Variants in MAN2A1 observed in about 807,000 individuals in gnomAD.
The protein encoded by MAN2A1 is alpha-mannosidase 2.
MAN2A1 carries 76 observed loss-of-function variants against 142.6 expected under a neutral mutation model. The ratio of observed to expected loss-of-function variants is 0.53; its 90% CI spans 0.44 to 0.65. MAN2A1 has a LOEUF of 0.65. MAN2A1 is among the 30% of genes least tolerant of loss of function. The probability of loss-of-function intolerance (pLI) is 0.00; values close to 1 mark genes in which losing one functional copy is unlikely to be tolerated. For synonymous variants in MAN2A1, 559 were observed against 473.2 expected, an observed-to-expected ratio of 1.18 and a Z score of -2.35; for missense variants, 1,311 against 1,365.1, an observed-to-expected ratio of 0.96 and a Z score of 0.62.
chr5:109,793,835 T>G (rs1753795261), intron 12 of MAN2A1, among the ~76,000 whole-genome samples: 1 of 152,186 alleles, frequency 6.6e-6, no homozygotes, highest in Admixed American at 6.5e-5. Context: ...TTTATCAGAT[T>G]GGTTTTTATA....
intron 4 of MAN2A1, among the ~76,000 whole-genome samples, chr5:109,733,087 T>C (rs1582836176): frequency 6.6e-6 from 1 of 152,268 alleles, no homozygotes; most frequent in African/African-American, 2.4e-5. Flanking sequence ...ACATCCCTTG[T>C]AAGTTGGATT....
At chr5:109,822,682 A>G (rs938331349) in intron 15 of MAN2A1, among the ~76,000 whole-genome samples, 1 of 148,154 alleles carries the variant, frequency 6.7e-6, no homozygotes, top group Non-Finnish European at 1.5e-5. Flanking sequence ...TGAAAAAAAA[A>G]TTTTTTTTTT....
intron 5 of MAN2A1, among the ~76,000 whole-genome samples, chr5:109,763,615 C>T (rs149072647): frequency 6.6e-6 from 1 of 151,758 alleles, no homozygotes; most frequent in East Asian, 1.9e-4. Flanking sequence ...GTGTGCTGCA[C>T]CCATGTAGGG....
intron 5 of MAN2A1, among the ~76,000 whole-genome samples, chr5:109,762,432 C>A (rs752028374): frequency 2.0e-5 from 3 of 152,110 alleles, no homozygotes; most frequent in African/African-American, 7.2e-5. Flanking sequence ...TGCACACATA[C>A]ATACATTTTG....
chr5:109,713,466 T>G lies in MAN2A1; in HGVS notation c.136-54T>G, dbSNP rs1582814557. On this transcript the variant is annotated intron_variant, in intron 1 of 21. Transcript: ENST00000261483. ...ATTTAAAAAAAAAAATGTGTATGCC[T>G]CAGCAGATCTATATTAGTATTTCAT... 4.8e-6 allele frequency: 7 copies of G among 1,467,658 alleles called. No homozygotes were observed. In the East Asian group the frequency reaches 1.6e-4, roughly 34 times the overall value. The allele number at this position is 1,467,658 out of a possible 1,614,324, so 90.9% of individuals were successfully genotyped here.
At chr5:109,858,464 A>G (rs1004136740) in intron 20 of MAN2A1, among the ~76,000 whole-genome samples, 4 of 152,332 alleles carry the variant, frequency 2.6e-5, no homozygotes, top group East Asian at 3.9e-4. Flanking sequence ...AAATGACTCA[A>G]TGAATAAGTA....
chr5:109,845,886 A>G lies in MAN2A1; in HGVS notation c.2722A>G (p.Ser908Gly), dbSNP rs777715558. 3 of 1,613,488 alleles carry G rather than the reference A, an allele frequency of 1.9e-6. No individual in the cohort carries two copies. The East Asian group carries it at 6.7e-5, about 36-fold the overall frequency. The change falls in exon 18 of 22, where the codon AGC (serine) becomes GGC (glycine). Residue 908 changes from serine (S) to glycine (G), a missense_variant. By Grantham distance (56) the Ser-to-Gly change is moderately conservative. Coordinates refer to ENST00000261483, the MANE Select transcript of MAN2A1 (RefSeq NM_002372.4). Reference protein sequence around the residue: ...GYQIQPRMTLSKLPLQANVYP... With the variant: ...GYQIQPRMTLGKLPLQANVYP... The stretch of plus-strand genomic sequence containing the variant: ...ATAGATTCAACCTAGAATGACACTG[A>G]GCAAATTGCCTCTTCAAGCAAATGT...
chr5:109,756,813 CACTGTTTTTAATCTGTTTGT>C (rs1752702040), intron 5 of MAN2A1, among the ~76,000 whole-genome samples: 1 of 152,160 alleles, frequency 6.6e-6, no homozygotes, highest in South Asian at 2.1e-4. Flanking sequence ...AAGAGTGGCT[CACTGTTTTTAATCTGTTTGT>C]ACAAACAAAA....
intron 8 of MAN2A1, among the ~76,000 whole-genome samples, chr5:109,776,729 G>C (rs1753303106): frequency 6.6e-6 from 1 of 152,046 alleles, no homozygotes. Flanking sequence ...AACTTTTATT[G>C]TCCCTCAGAT....
intron 12 of MAN2A1, among the ~76,000 whole-genome samples, chr5:109,796,783 G>A (rs533500711): frequency 1.3e-5 from 2 of 152,142 alleles, no homozygotes; most frequent in African/African-American, 2.4e-5. Flanking sequence ...GGAAACTTGC[G>A]ATCAGGCTGG....
intron 6 of MAN2A1, 53 bp downstream of exon 6, chr5:109,767,761 A>C: frequency 6.7e-7 from 1 of 1,483,690 alleles, no homozygotes; most frequent in Admixed American, 1.7e-5. Flanking sequence ...ACTATTTCAC[A>C]AGGGTTATGA....
At chr5:109,804,648 T>G (rs1754117557) in intron 12 of MAN2A1, among the ~76,000 whole-genome samples, 1 of 152,170 alleles carries the variant, frequency 6.6e-6, no homozygotes, top group Non-Finnish European at 1.5e-5. Flanking sequence ...ACTTTGAAAG[T>G]AGAAAGTGGT....
chr5:109,819,880 T>C lies in MAN2A1; in HGVS notation c.2321T>C (p.Leu774Pro). 1 of 1,581,402 alleles carries C rather than the reference T, an allele frequency of 6.3e-7. No homozygotes were observed. The highest frequency in any genetic ancestry group is 8.6e-7 in the Non-Finnish European group (1 of 1,162,726). The change falls in exon 14 of 22, where the codon CTT becomes CCT. Residue 774 changes from leucine to proline, a missense_variant. Coordinates refer to ENST00000261483, the MANE Select transcript of MAN2A1 (RefSeq NM_002372.4). ...FVLLRFDQTG[L>P]MKQMMTKEDG... ...TTACTTCGGTTTGATCAAACTGGAC[T>C]TATGAAGGTATGTTCTGAATAGTTC...
intron 3 of MAN2A1, among the ~76,000 whole-genome samples, chr5:109,722,360 C>T (rs1169386037): frequency 3.3e-5 from 5 of 152,112 alleles, no homozygotes; most frequent in Non-Finnish European, 4.4e-5. Flanking sequence ...TCCTGATTGC[C>T]ACATTTTCTA....
At position 109,784,799 on chromosome 5, in the gene MAN2A1, A is replaced by G. The variant is rs201685100; in HGVS notation, c.1633A>G (p.Asn545Asp). Residue 545 changes from asparagine (N) to aspartate (D), a missense_variant, in exon 10 of 22, where the codon AAT (asparagine) becomes GAT (aspartate). By Grantham distance (23) the Asn-to-Asp change is conservative (BLOSUM62 1). Around this residue, in one of 3 missense-constraint regions of MAN2A1, gnomAD observed 890 missense variants for 920.5 expected, o/e 0.97. Coordinates refer to ENST00000261483, the MANE Select transcript of MAN2A1 (RefSeq NM_002372.4). ...ALRQAHKYKI[N>D]KFLSSSLYTA... ...GAGACAAGCTCACAAATACAAGATA[A>G]ATAAATTTCTCTCATCATCACTTTA... is the stretch of plus-strand genomic sequence containing the variant. 7.6e-5 allele frequency: 122 copies of G among 1,611,774 alleles called. 1 individual carries two copies. The Middle Eastern group carries it at 1.2e-3, about 15-fold the overall frequency.
At chr5:109,854,076 CAG>C (rs1755548768) in intron 19 of MAN2A1, 1 of 152,140 alleles carries the variant, frequency 6.6e-6, no homozygotes, top group Admixed American at 6.5e-5. Flanking sequence ...TCTTTTCACA[CAG>C]ATCAGTAGCC....
intron 16 of MAN2A1, among the ~76,000 whole-genome samples, chr5:109,836,434 C>T (rs1474062088): frequency 6.6e-6 from 1 of 152,132 alleles, no homozygotes; most frequent in Non-Finnish European, 1.5e-5. Flanking sequence ...GTTTTTCTCT[C>T]CCCACACGAG....
intron 5 of MAN2A1, among the ~76,000 whole-genome samples, chr5:109,755,807 T>C (rs993572822): frequency 6.6e-6 from 1 of 152,112 alleles, no homozygotes; most frequent in Non-Finnish European, 1.5e-5. Context: ...AGATATTCAT[T>C]ATGTCACTGA....
At chr5:109,785,261 T>C (rs1287327380) in intron 10 of MAN2A1, among the ~76,000 whole-genome samples, 1 of 152,060 alleles carries the variant, frequency 6.6e-6, no homozygotes, top group Non-Finnish European at 1.5e-5. Context: ...AAATAAAACA[T>C]AGTTATAATG....
Sources: allele counts gnomAD v4.1 joint callset (sites outside exome capture counted in the v4.1 genomes callset), GRCh38; gene constraint gnomAD v4.1.1; regional missense constraint gnomAD v4.1.1; transcripts MANE v1.5; gene names NCBI Gene and HGNC (gene_info 2026-07-23, HGNC 2026-07-21).